Variants in TANC2 observed in about 807,000 individuals in gnomAD.
The protein encoded by TANC2 is tetratricopeptide repeat, ankyrin repeat and coiled-coil containing 2, also known as protein TANC2.
TANC2 carries 26 observed loss-of-function variants against 210.5 expected under a neutral mutation model. The observed-to-expected ratio is 0.12, with a 90% CI of 0.09 to 0.17. TANC2 has a LOEUF of 0.17. Ranked by LOEUF, TANC2 falls within the 10% of genes least tolerant of loss-of-function variation. The pLI is 1.00. For missense variants in TANC2, 2,129 were observed against 2,608.9 expected (o/e 0.82, Z 4.01); for synonymous variants, 931 against 967.1 (o/e 0.96, Z 0.69).
chr17:63,202,951 TCTTG>T (rs1423815154), intron 7 of TANC2, among the ~76,000 whole-genome samples: 1 of 152,176 alleles, frequency 6.6e-6, no homozygotes. Context: ...ACACCAAATT[TCTTG>T]CTTCTGATGA....
At chr17:63,415,670 T>C in exon 26 of TANC2, 1 of 1,561,334 alleles carries the variant, frequency 6.4e-7, no homozygotes, top group Non-Finnish European at 8.6e-7. Flanking sequence ...CGCAGGAAAA[T>C]GAACGTAAGT....
At chr17:63,344,774 A>G (rs1025457687) in intron 12 of TANC2, among the ~76,000 whole-genome samples, 4 of 152,328 alleles carry the variant, frequency 2.6e-5, no homozygotes, top group Middle Eastern at 3.4e-3. Context: ...TACTTCCACT[A>G]ATAGTTCAAC....
intron 5 of TANC2, among the ~76,000 whole-genome samples, chr17:63,192,117 G>GT (rs1412783118): frequency 6.6e-6 from 1 of 152,140 alleles, no homozygotes; most frequent in Admixed American, 6.5e-5. Flanking sequence ...GCCAAAGATA[G>GT]TTTTTTCGTA....
At chr17:62,984,037 C>G (rs2032442512) in intron 1 of TANC2, among the ~76,000 whole-genome samples, 1 of 151,934 alleles carries the variant, frequency 6.6e-6, no homozygotes, top group Non-Finnish European at 1.5e-5. Context: ...TTTGAGAACT[C>G]TTAGTATTAA....
intron 5 of TANC2, among the ~76,000 whole-genome samples, chr17:63,173,612 C>T (rs1013348002): frequency 1.3e-5 from 2 of 152,152 alleles, no homozygotes; most frequent in South Asian, 4.1e-4. Context: ...TATTATAAAA[C>T]TTTCCCATTC....
rs1298402282 is a variant in TANC2, at chr17:62,988,295, C to CCT, written c.-23-21242_-23-21241insCT. Reference sequence around the variant, plus strand: ...GGCGTGCACCACCACACCTGGCTAACTTTTTTTTTTTTTTTTTTTTTTAGT... The same window carrying CCT: ...GGCGTGCACCACCACACCTGGCTAACCTTTTTTTTTTTTTTTTTTTTTTTAGT... On this transcript the variant is annotated intron_variant, in intron 1 of 27. Transcript: ENST00000689528. 9.6e-3 allele frequency among the ~76,000 whole-genome samples: 1,078 copies of CCT among 111,734 alleles called. 23 individuals carry two copies. The highest frequency in any genetic ancestry group is 0.036 in the African/African-American group (971 of 27,074). The allele number at this position is 111,734 out of a possible 152,430, so 73.3% of individuals were successfully genotyped here. A position where few individuals can be genotyped will look rare whatever the true frequency, so the allele number is the denominator to read the frequency against.
At chr17:63,189,681 A>T (rs552668287) in intron 5 of TANC2, among the ~76,000 whole-genome samples, 78 of 152,288 alleles carry the variant, frequency 5.1e-4, no homozygotes, top group African/African-American at 1.7e-3. Context: ...TGATTCACAT[A>T]TATTTTCTCC....
intron 7 of TANC2, among the ~76,000 whole-genome samples, chr17:63,225,654 G>C (rs375706692): frequency 1.9e-4 from 29 of 152,186 alleles, no homozygotes; most frequent in African/African-American, 6.0e-4. Context: ...CAGAAACCAG[G>C]ATATTATTCA....
intron 9 of TANC2, among the ~76,000 whole-genome samples, chr17:63,308,911 A>G (rs1001728597): frequency 7.2e-5 from 11 of 152,166 alleles, no homozygotes; most frequent in African/African-American, 2.7e-4. Flanking sequence ...TTAAAGATAT[A>G]ATTAATCCTA....
At chr17:62,973,753 G>C (rs974010850) in intron 1 of TANC2, among the ~76,000 whole-genome samples, 6 of 152,172 alleles carry the variant, frequency 3.9e-5, no homozygotes, top group Admixed American at 1.3e-4. Context: ...ATAGCCCATA[G>C]ACCAAATCCA....
At chr17:63,095,201 G>C (rs1459060637) in intron 3 of TANC2, among the ~76,000 whole-genome samples, 1 of 151,892 alleles carries the variant, frequency 6.6e-6, no homozygotes, top group African/African-American at 2.4e-5. Context: ...GTAGAGACAG[G>C]GTCTTACTCT....
intron 4 of TANC2, among the ~76,000 whole-genome samples, chr17:63,101,378 C>T (rs1379266914): frequency 1.3e-5 from 2 of 152,112 alleles, no homozygotes; most frequent in Non-Finnish European, 2.9e-5. Context: ...TCTCCATTTC[C>T]ATACATTCAA....
Position 63,084,975 on chromosome 17 carries a change from G to A in TANC2, c.139+10961G>A, listed in dbSNP as rs931355785. ...CTGTTGTAATGTGAAGTAGTCCATA[G>A]GTGTCCATTATAACCAGTTGATGGA... On this transcript the variant is annotated intron_variant, in intron 3 of 27. Coordinates refer to ENST00000689528, the Ensembl canonical transcript of TANC2. Among the ~76,000 whole-genome samples, 25 of 152,250 alleles carry A rather than the reference G, an allele frequency of 1.6e-4. 1 individual carries two copies. In the South Asian group the frequency reaches 5.0e-3, roughly 30 times the overall value.
intron 2 of TANC2, among the ~76,000 whole-genome samples, chr17:63,020,661 A>C (rs185956964): frequency 9.2e-5 from 14 of 152,348 alleles, no homozygotes; most frequent in African/African-American, 3.4e-4. Flanking sequence ...CACAAAAGTC[A>C]GTTCATCTGT....
chr17:63,291,335 CT>C (rs2044376974), intron 9 of TANC2, among the ~76,000 whole-genome samples: 1 of 152,206 alleles, frequency 6.6e-6, no homozygotes, highest in Admixed American at 6.5e-5. Flanking sequence ...CTGTCTTCCC[CT>C]AGCCTTCCTG....
intron 8 of TANC2, among the ~76,000 whole-genome samples, chr17:63,261,251 G>GA (rs71297999): frequency 3.4e-4 from 49 of 144,398 alleles, no homozygotes; most frequent in East Asian, 1.0e-3. Flanking sequence ...TCTCAAAAAA[G>GA]AAAAAAAAAA....
chr17:62,991,918 G>A (rs770423201), intron 1 of TANC2, among the ~76,000 whole-genome samples: 1 of 151,948 alleles, frequency 6.6e-6, no homozygotes, highest in Admixed American at 6.5e-5. Context: ...TTTTACGCAC[G>A]GTTTCTTGTG....
intron 4 of TANC2, among the ~76,000 whole-genome samples, chr17:63,121,683 A>ATC (rs2038484852): frequency 6.6e-6 from 1 of 152,220 alleles, no homozygotes; most frequent in Non-Finnish European, 1.5e-5. Context: ...TCTTCAGGAA[A>ATC]ATATACTACA....
chr17:63,217,227 A>G (rs1166745279), intron 7 of TANC2, among the ~76,000 whole-genome samples: 2 of 152,202 alleles, frequency 1.3e-5, no homozygotes, highest in Non-Finnish European at 2.9e-5. Flanking sequence ...TCAGTTAAAT[A>G]GAAAACAGTG....
Sources: gnomAD v4.1 joint callset for allele counts (sites outside exome capture counted in the v4.1 genomes callset) on GRCh38, gnomAD v4.1.1 for gene constraint, MANE v1.5 for transcripts, NCBI Gene and HGNC (gene_info 2026-07-23, HGNC 2026-07-21) for gene names.